Variants in DNAH7 observed in about 807,000 individuals in gnomAD.
DNAH7 encodes the protein axonemal beta dynein heavy chain 7.
A neutral mutation model predicts 444.6 loss-of-function variants in DNAH7; 397 were observed. The observed-to-expected ratio is 0.89, with a 90% CI of 0.82 to 0.97. The LOEUF is 0.97. Among genes scored for constraint, DNAH7 ranks in the 50% least tolerant of loss-of-function variants. DNAH7 has a pLI of 0.00. For synonymous variants in DNAH7, 1,636 were observed against 1,624.4 expected (o/e 1.01, Z -0.17); for missense variants, 4,902 against 4,800.8 (o/e 1.02, Z -0.62).
At chr2:195,997,429 C>T (rs549223126) in intron 12 of DNAH7, among the ~76,000 whole-genome samples, 3 of 152,218 alleles carry the variant, frequency 2.0e-5, no homozygotes, top group South Asian at 2.1e-4. Context: ...GCAGGAGAAT[C>T]GCGTGAACCC....
intron 24 of DNAH7, among the ~76,000 whole-genome samples, chr2:195,914,993 A>T (rs1376214126): frequency 1.3e-5 from 2 of 152,192 alleles, no homozygotes. Flanking sequence ...ATTCTCTAGG[A>T]AACAATATAA....
At chr2:195,798,524 T>C (rs1696274978) in intron 55 of DNAH7, among the ~76,000 whole-genome samples, 1 of 150,966 alleles carries the variant, frequency 6.6e-6, no homozygotes, top group Non-Finnish European at 1.5e-5. Context: ...AGACAAGGCA[T>C]GTAAATAGTA....
intron 36 of DNAH7, among the ~76,000 whole-genome samples, chr2:195,878,016 G>C (rs927396874): frequency 1.3e-5 from 2 of 152,138 alleles, no homozygotes; most frequent in African/African-American, 4.8e-5. Flanking sequence ...GTAAGTGATA[G>C]ATTATTTCAA....
intron 27 of DNAH7, chr2:195,900,742 G>T: frequency 6.1e-6 from 2 of 329,444 alleles, no homozygotes; most frequent in Non-Finnish European, 5.6e-6. Flanking sequence ...TAGCACTGTG[G>T]GGTGACTATA....
intron 58 of DNAH7, among the ~76,000 whole-genome samples, chr2:195,782,938 C>T (rs904240839): frequency 2.0e-5 from 3 of 152,206 alleles, no homozygotes; most frequent in Non-Finnish European, 2.9e-5. Context: ...TCTCCTAACA[C>T]TTGAATAACC....
In DNAH7 at chr2:195,846,949, A is replaced by ATGTGTG. The variant is rs35075325; in HGVS notation, c.8782-1790_8782-1785dup. Among the ~76,000 whole-genome samples, 1,192 of 137,188 alleles carry ATGTGTG rather than the reference A, an allele frequency of 8.7e-3. 18 individuals are homozygous for ATGTGTG. Among genetic ancestry groups the ATGTGTG allele is most frequent in the Admixed American group, 0.032 (441 of 13,638 alleles). 90.0% of individuals were successfully genotyped at this position (137,188 alleles called of 152,430 possible). ...AATACTACGTAATAAACTCCCATATATGTGTGTGTGTGTGTGTGTGTGTGT... is the reference window on the plus strand; with the variant it reads ...AATACTACGTAATAAACTCCCATATATGTGTGTGTGTGTGTGTGTGTGTGTGTGTGT... On this transcript the variant is annotated intron_variant, in intron 46 of 64. Coordinates refer to ENST00000312428, the MANE Select transcript of DNAH7 (RefSeq NM_018897.3).
intron 46 of DNAH7, among the ~76,000 whole-genome samples, chr2:195,850,773 C>T (rs1699315865): frequency 6.6e-6 from 1 of 152,012 alleles, no homozygotes; most frequent in South Asian, 2.1e-4. Flanking sequence ...TGTGAGGGGA[C>T]ATGCTGAGGA....
At chr2:195,753,663 T>G (rs1217642288) in intron 63 of DNAH7, among the ~76,000 whole-genome samples, 1 of 152,220 alleles carries the variant, frequency 6.6e-6, no homozygotes, top group Non-Finnish European at 1.5e-5. Context: ...GATAAAATTC[T>G]GGAATCTGTA....
intron 50 of DNAH7, 43 bp from the exon 51 acceptor site, chr2:195,817,006 T>C (rs753986418): frequency 9.3e-6 from 13 of 1,399,576 alleles, no homozygotes; most frequent in Non-Finnish European, 1.3e-5. Context: ...AGAAGTCATT[T>C]AAAATCATTT....
rs1188915054 is a variant in DNAH7 at position 195,738,147 on chromosome 2, A to ACCT, written c.11869-23_11869-21dup. The ACCT allele has an allele frequency of 1.2e-6, 2 of 1,602,874 alleles. No individual in the cohort carries two copies. Among genetic ancestry groups the ACCT allele is most frequent in the Non-Finnish European group, 1.7e-6 (2 of 1,170,680 alleles). The stretch of plus-strand genomic sequence containing the variant: ...CCACATCTGGAAGAAAGTACATAAC[A>ACCT]CCTCTTTAAGTCAAGGCTGTTTGTT... On this transcript the variant is annotated intron_variant, in intron 64 of 64. Transcript: ENST00000312428.
chr2:195,895,042 T>G lies in DNAH7; in HGVS notation c.4830A>C (p.Glu1610Asp). The change falls in exon 30 of 65, where the codon GAA becomes GAC. Residue 1610 changes from glutamate to aspartate, a missense_variant. Coordinates refer to ENST00000312428, the MANE Select transcript of DNAH7 (RefSeq NM_018897.3). Reference sequence around the variant, plus strand: ...ATGCACTAGTTTTTCCTCCAAATGGTTCTCCAACAATCATAAAACCATGAC... The same window carrying G: ...ATGCACTAGTTTTTCCTCCAAATGGGTCTCCAACAATCATAAAACCATGAC... ...IVRHGFMIVG[E>D]PFGGKTSAYR... The G allele has an allele frequency of 6.2e-7, 1 of 1,613,464 alleles. No individual in the cohort carries two copies. The highest frequency in any genetic ancestry group is 8.5e-7 in the Non-Finnish European group (1 of 1,179,594).
chr2:195,809,212 A>G (rs1036828641), intron 52 of DNAH7, among the ~76,000 whole-genome samples: 1 of 152,250 alleles, frequency 6.6e-6, no homozygotes, highest in Non-Finnish European at 1.5e-5. Flanking sequence ...AATTGTAGAA[A>G]GGCAGAAACC....
intron 34 of DNAH7, among the ~76,000 whole-genome samples, chr2:195,885,578 C>T (rs773668182): frequency 6.6e-6 from 1 of 152,128 alleles, no homozygotes; most frequent in Admixed American, 6.5e-5. Flanking sequence ...ATATTGACCA[C>T]AGTAGAAGTG....
At chr2:195,812,884 C>T (rs964444468) in intron 51 of DNAH7, among the ~76,000 whole-genome samples, 1 of 152,146 alleles carries the variant, frequency 6.6e-6, no homozygotes. Flanking sequence ...AGAACTCATT[C>T]TCTTTTTAAT....
At chr2:195,796,873 C>A in intron 55 of DNAH7, 136 bp from the exon 56 acceptor site, 1 of 838,652 alleles carries the variant, frequency 1.2e-6, no homozygotes, top group Non-Finnish European at 1.8e-6. Context: ...CACATGCATC[C>A]CTAAAAAACT....
intron 61 of DNAH7, among the ~76,000 whole-genome samples, chr2:195,760,613 A>G (rs1166849126): frequency 1.3e-5 from 2 of 152,090 alleles, no homozygotes; most frequent in Non-Finnish European, 2.9e-5. Flanking sequence ...AACAAAGGGA[A>G]GAGAACAAGA....
intron 35 of DNAH7, 39 bp downstream of exon 35, chr2:195,884,545 GC>G: frequency 2.0e-6 from 3 of 1,500,268 alleles, no homozygotes; most frequent in Non-Finnish European, 2.8e-6. Flanking sequence ...AGGGGACTCT[GC>G]CAGGCTGGCA....
Position 195,917,824 on chromosome 2 carries a change from T to C in DNAH7, c.3935+4264A>G, listed in dbSNP as rs117851855. On this transcript the variant is annotated intron_variant, in intron 24 of 64. Transcript: ENST00000312428. ...TGTGCACCACCATACTTGACCATTTTTTGTTTGTTTGTTTTACATTTTTTG... is the reference window on the plus strand; with the variant it reads ...TGTGCACCACCATACTTGACCATTTCTTGTTTGTTTGTTTTACATTTTTTG... Among the ~76,000 whole-genome samples, 654 of 152,284 alleles carry C rather than the reference T, an allele frequency of 4.3e-3. 6 individuals carry two copies. Among genetic ancestry groups the C allele is most frequent in the East Asian group, 0.032 (167 of 5,166 alleles).
chr2:195,848,885 C>T (rs1196184013), intron 46 of DNAH7, among the ~76,000 whole-genome samples: 1 of 152,164 alleles, frequency 6.6e-6, no homozygotes, highest in Non-Finnish European at 1.5e-5. Flanking sequence ...TAGCAAACTA[C>T]TTACAAGAAA....
Sources: allele counts gnomAD v4.1 joint callset (sites outside exome capture counted in the v4.1 genomes callset), GRCh38; gene constraint gnomAD v4.1.1; transcripts MANE v1.5; gene names NCBI Gene and HGNC (gene_info 2026-07-23, HGNC 2026-07-21).